Variants in XIRP1 observed in about 807,000 individuals in gnomAD.
XIRP1 encodes the protein xin actin-binding repeat-containing protein 1.
For synonymous variants in XIRP1, 984 were observed against 947.0 expected, an observed-to-expected ratio of 1.04 and a Z score of -0.72; for missense variants, 2,378 against 2,345.4, an observed-to-expected ratio of 1.01 and a Z score of -0.29.
Position 39,185,549 on chromosome 3 carries a change from A to G in XIRP1, c.3897T>C (p.Ala1299=). The G allele has an allele frequency of 6.4e-7, 1 of 1,567,438 alleles. No individual in the cohort carries two copies. Among genetic ancestry groups the G allele is most frequent in the Non-Finnish European group, 8.6e-7 (1 of 1,156,568 alleles). ...DPLLHSHSSP[A]GQRTPGGSQT... is the part of the protein sequence containing the mutation. ...GTGACCCTCCAGGGGTTCTCTGGCCAGCAGGGCTGCTGTGGGAGTGAAGAA... is the reference window on the plus strand; with the variant it reads ...GTGACCCTCCAGGGGTTCTCTGGCCGGCAGGGCTGCTGTGGGAGTGAAGAA... The change falls in exon 2 of 2, where the codon GCT becomes GCC. Residue 1299 remains alanine (A), a synonymous_variant. Coordinates refer to ENST00000340369, the MANE Select transcript of XIRP1 (RefSeq NM_194293.4).
In XIRP1 at chr3:39,186,964, G is replaced by A; in HGVS notation, c.2482C>T (p.Pro828Ser). The change falls in exon 2 of 2, where the codon CCC becomes TCC. Residue 828 changes from proline (P) to serine (S), a missense_variant. Pro to Ser is a moderately conservative substitution (Grantham distance 74). Transcript: ENST00000340369. ...CGCAGGACTTGGCAGATGATCCTGG[G>A]AAGTTCACCTGACACCAGCTCCTCC... ...RKEELVSGEL[P>S]RIICQVLRRP... is the part of the protein sequence containing the mutation. The A allele has an allele frequency of 6.2e-7, 1 of 1,609,162 alleles. No homozygotes were observed. Among genetic ancestry groups the A allele is most frequent in the Non-Finnish European group, 8.5e-7 (1 of 1,175,862 alleles).
rs776781312 is a variant in XIRP1, at chr3:39,186,935, C to T, written c.2511G>A (p.Arg837=). The change falls in exon 2 of 2, where the codon CGG becomes CGA. Residue 837 remains arginine (R), a synonymous_variant. Transcript: ENST00000340369. The part of the protein sequence containing the change: ...LPRIICQVLR[R]PDVDQQGLLV... The stretch of plus-strand genomic sequence containing the variant: ...GCAGCCCCTGCTGGTCCACATCTGG[C>T]CGGCGCAGGACTTGGCAGATGATCC... The T allele has an allele frequency of 3.1e-6, 5 of 1,613,638 alleles. No homozygotes were observed. Among genetic ancestry groups the T allele is most frequent in the Non-Finnish European group, 3.4e-6 (4 of 1,179,714 alleles).
chr3:39,187,249 C>T lies in XIRP1; in HGVS notation c.2197G>A (p.Glu733Lys), dbSNP rs540159795. The change falls in exon 2 of 2, where the codon GAG becomes AAG. Residue 733 changes from glutamate (E) to lysine (K), a missense_variant. Glu to Lys is a moderately conservative substitution (Grantham distance 56). Transcript: ENST00000340369. ...GSVHKFTWLF[E>K]NCPMGSLAAE... ...GCCAGGGAGCCCATGGGACAATTCT[C>T]AAAAAGCCAAGTGAACTTGTGGACA... The T allele has an allele frequency of 4.0e-5, 63 of 1,582,030 alleles. 1 individual carries two copies. In the South Asian group the frequency reaches 7.1e-4, roughly 18 times the overall value.
rs2039898481 is a variant in XIRP1, at chr3:39,183,275, G to A, written c.*639C>T. The A allele has an allele frequency of 6.5e-6, 1 of 153,128 alleles. No individual in the cohort carries two copies. The allele number at this position is 153,128 out of a possible 1,614,324, so 9.5% of individuals were successfully genotyped here. A position where few individuals can be genotyped will look rare whatever the true frequency, so the allele number is the denominator to read the frequency against. ...CTTCCCATTTGGGGTGCAGAGTGGG[G>A]GACAGTCATGGGGACAGAGAAAGGC... On this transcript the variant is annotated 3_prime_UTR_variant, in exon 2 of 2. Transcript: ENST00000340369.
At chr3:39,190,600 C>T (rs1575184851) in intron 1 of XIRP1, among the ~76,000 whole-genome samples, 1 of 152,178 alleles carries the variant, frequency 6.6e-6, no homozygotes, top group East Asian at 1.9e-4. Context: ...AAGCCCTACC[C>T]CTGCAGGCCT....
chr3:39,184,900 G>A lies in XIRP1; in HGVS notation c.4546C>T (p.Gln1516Ter), dbSNP rs753959597. 8.2e-6 allele frequency: 13 copies of A among 1,592,922 alleles called. No homozygotes were observed. The highest frequency in any genetic ancestry group is 9.4e-6 in the Non-Finnish European group (11 of 1,167,434). ...GAAPQAPAAH[Q>*]KPEASVEQAF... is the part of the protein sequence containing the mutation. ...TGCTCCACTGAGGCCTCGGGCTTTT[G>A]GTGGGCAGCAGGAGCCTGAGGAGCA... is the stretch of plus-strand genomic sequence containing the variant. The change falls in exon 2 of 2, where the codon CAA (glutamine) becomes TAA (stop). Residue 1516 changes from glutamine (Q) to a stop codon, truncating the protein, a stop_gained. Transcript: ENST00000340369. LOFTEE classifies it low-confidence loss of function (END_TRUNC).
At position 39,188,975 on chromosome 3, in the gene XIRP1, G is replaced by T. The variant is rs750697546; in HGVS notation, c.471C>A (p.Arg157=). The part of the protein sequence containing the change: ...QPGGGDVRAA[R]WLFETKPLDE... ...CCAGTGGCTTTGTCTCAAATAGCCA[G>T]CGGGCTGCACGAACGTCTCCTCCAC... is the stretch of plus-strand genomic sequence containing the variant. Residue 157 remains arginine (R), a synonymous_variant, in exon 2 of 2, where the codon CGC becomes CGA. Coordinates refer to ENST00000340369, the MANE Select transcript of XIRP1 (RefSeq NM_194293.4). 2 of 1,613,818 alleles carry T rather than the reference G, an allele frequency of 1.2e-6. No individual in the cohort carries two copies. Among genetic ancestry groups the T allele is most frequent in the Non-Finnish European group, 8.5e-7 (1 of 1,180,040 alleles).
rs772094055 is a variant in XIRP1, at chr3:39,186,067, G to C, written c.3379C>G (p.Leu1127Val). Residue 1127 changes from leucine to valine, a missense_variant, in exon 2 of 2, where the codon CTA becomes GTA. Transcript: ENST00000340369. ...PRKVSREEQA[L>V]PRGLPGGWVT... is the part of the protein sequence containing the mutation. The stretch of plus-strand genomic sequence containing the variant: ...CACCCCCCAGGCAGCCCTCTGGGTA[G>C]TGCTTGCTCTTCCCTACTGACCTTT... 4 of 1,614,048 alleles carry C rather than the reference G, an allele frequency of 2.5e-6. No individual in the cohort carries two copies. The highest frequency in any genetic ancestry group is 3.4e-6 in the Non-Finnish European group (4 of 1,180,002).
Position 39,187,368 on chromosome 3 carries a change from A to T in XIRP1, c.2078T>A (p.Val693Glu). ...CSRVEIPSGQ[V>E]SRQKEVFQAL... Reference sequence around the variant, plus strand: ...CTGAAAAACCTCTTTCTGACGAGACACCTGCCCTGAAGGGATCTCCACGCG... The same window carrying T: ...CTGAAAAACCTCTTTCTGACGAGACTCCTGCCCTGAAGGGATCTCCACGCG... The change falls in exon 2 of 2, where the codon GTG (valine) becomes GAG (glutamate). Residue 693 changes from valine to glutamate, a missense_variant. By Grantham distance (121) the Val-to-Glu change is moderately radical. Transcript: ENST00000340369. The T allele has an allele frequency of 6.2e-7, 1 of 1,611,616 alleles. No homozygotes were observed. The highest frequency in any genetic ancestry group is 8.5e-7 in the Non-Finnish European group (1 of 1,178,432).
In XIRP1 at chr3:39,183,768, C is replaced by T. The variant is rs1445513269; in HGVS notation, c.*146G>A. The T allele has an allele frequency of 7.6e-6, 10 of 1,310,882 alleles. No individual in the cohort carries two copies. The highest frequency in any genetic ancestry group is 5.9e-5 in the Admixed American group (2 of 33,926). The allele number at this position is 1,310,882 out of a possible 1,614,324, so 81.2% of individuals were successfully genotyped here. A position where few individuals can be genotyped will look rare whatever the true frequency, so the allele number is the denominator to read the frequency against. On this transcript the variant is annotated 3_prime_UTR_variant, in exon 2 of 2. Transcript: ENST00000340369. ...AGAACTGGGCCTATTGAAAGAACTG[C>T]GAAAGGGAAATGGCCCACAGTAATC...
Position 39,184,441 on chromosome 3 carries a change from A to G in XIRP1, c.5005T>C (p.Ser1669Pro), listed in dbSNP as rs374503977. Residue 1669 changes from serine to proline, a missense_variant, in exon 2 of 2, where the codon TCC (serine) becomes CCC (proline). Physicochemically the swap from Ser to Pro is moderately conservative, Grantham distance 74. Transcript: ENST00000340369. The stretch of plus-strand genomic sequence containing the variant: ...GACTGGATGGAGATAAATGTTGGGG[A>G]GGAGGGAGAATCTCGGCTGGAAGGT... ...VLPSSRDSPS[S>P]PTFISIQSAT... The G allele has an allele frequency of 9.9e-6, 16 of 1,613,982 alleles. No individual in the cohort carries two copies. The highest frequency in any genetic ancestry group is 1.2e-5 in the Non-Finnish European group (14 of 1,180,024).
chr3:39,187,579 C>T lies in XIRP1; in HGVS notation c.1867G>A (p.Ala623Thr), dbSNP rs952062268. The change falls in exon 2 of 2, where the codon GCA becomes ACA. Residue 623 changes from alanine to threonine, a missense_variant. By Grantham distance (58) the Ala-to-Thr change is moderately conservative. Coordinates refer to ENST00000340369, the MANE Select transcript of XIRP1 (RefSeq NM_194293.4). ...EVTDPTAKAE[A>T]QSCTWMFKPQ... is the part of the protein sequence containing the mutation. Reference sequence around the variant, plus strand: ...TTGAACATCCAGGTGCAGGACTGTGCCTCAGCCTTGGCTGTGGGATCTGTG... The same window carrying T: ...TTGAACATCCAGGTGCAGGACTGTGTCTCAGCCTTGGCTGTGGGATCTGTG... The T allele has an allele frequency of 2.5e-6, 4 of 1,613,942 alleles. No homozygotes were observed. The African/African-American group carries it at 5.3e-5, about 22-fold the overall frequency.
Position 39,184,293 on chromosome 3 carries a change from T to C in XIRP1, c.5153A>G (p.Lys1718Arg). Reference protein sequence around the residue: ...ALLHQKGVQDKTGKKDITQCS... With the variant: ...ALLHQKGVQDRTGKKDITQCS... ...CTGGGTGATGTCCTTCTTCCCAGTTTTGTCTTGGACACCTTTCTGGTGGAG... is the reference window on the plus strand; with the variant it reads ...CTGGGTGATGTCCTTCTTCCCAGTTCTGTCTTGGACACCTTTCTGGTGGAG... The change falls in exon 2 of 2, where the codon AAA becomes AGA. Residue 1718 changes from lysine (K) to arginine (R), a missense_variant. Lys to Arg is a conservative substitution (Grantham distance 26). Transcript: ENST00000340369. 2 of 1,614,192 alleles carry C rather than the reference T, an allele frequency of 1.2e-6. No homozygotes were observed. Among genetic ancestry groups the C allele is most frequent in the Non-Finnish European group, 1.7e-6 (2 of 1,180,028 alleles).
At position 39,187,787 on chromosome 3, in the gene XIRP1, A is replaced by T; in HGVS notation, c.1659T>A (p.Leu553=). Reference sequence around the variant, plus strand: ...TCATCTCCAGGGGCTGGGTCTCAAAAAGCCACCGAGCTGTGCCAACGTCCC... The same window carrying T: ...TCATCTCCAGGGGCTGGGTCTCAAATAGCCACCGAGCTGTGCCAACGTCCC... ...VAGDVGTARW[L]FETQPLEMIH... The change falls in exon 2 of 2, where the codon CTT becomes CTA. Residue 553 remains leucine (L), a synonymous_variant. Coordinates refer to ENST00000340369, the MANE Select transcript of XIRP1 (RefSeq NM_194293.4). 6.2e-7 allele frequency: 1 copy of T among 1,613,582 alleles called. No individual in the cohort carries two copies. The highest frequency in any genetic ancestry group is 8.5e-7 in the Non-Finnish European group (1 of 1,179,870).
chr3:39,186,891 G>A lies in XIRP1; in HGVS notation c.2555C>T (p.Thr852Ile), dbSNP rs747833957. The change falls in exon 2 of 2, where the codon ACT becomes ATT. Residue 852 changes from threonine to isoleucine, a missense_variant. By Grantham distance (89) the Thr-to-Ile change is moderately conservative (BLOSUM62 -1). Coordinates refer to ENST00000340369, the MANE Select transcript of XIRP1 (RefSeq NM_194293.4). ...QQGLLVQEDP[T>I]GQLQLKPLRL... ...CAGCGGCTTGAGTTGGAGCTGGCCA[G>A]TTGGGTCTTCCTGCACCAGCAGCCC... 1.9e-6 allele frequency: 3 copies of A among 1,613,980 alleles called. No individual in the cohort carries two copies. The highest frequency in any genetic ancestry group is 1.7e-5 in the Admixed American group (1 of 60,024).
Position 39,187,328 on chromosome 3 carries a change from G to A in XIRP1, c.2118C>T (p.Gly706=), listed in dbSNP as rs369120386. ...CCCGGGGCTCCTGTTCTTCCTTCTT[G>A]CCTGCCTCCAGGGCCTGAAAAACCT... ...QKEVFQALEA[G]KKEEQEPRVI... The change falls in exon 2 of 2, where the codon GGC becomes GGT. Residue 706 remains glycine (G), a synonymous_variant. Transcript: ENST00000340369. 1.1e-4 allele frequency: 170 copies of A among 1,599,806 alleles called. No homozygotes were observed. The highest frequency in any genetic ancestry group is 1.4e-4 in the Non-Finnish European group (159 of 1,172,206).
chr3:39,189,081 TCACCA>T lies in XIRP1; in HGVS notation c.360_364del (p.Cys120Ter). 1 of 1,614,138 alleles carries T rather than the reference TCACCA, an allele frequency of 6.2e-7. No homozygotes were observed. The highest frequency in any genetic ancestry group is 1.3e-5 in the African/African-American group (1 of 75,044). ...AAACTTGCGGGAGGTGGCCTGGACG[TCACCA>T]CACAGCACGGGCTCCTTGGCAGCTG... On this transcript the variant is annotated stop_gained and frameshift_variant, in exon 2 of 2. Transcript: ENST00000340369. LOFTEE classifies it low-confidence loss of function (END_TRUNC).
At position 39,185,447 on chromosome 3, in the gene XIRP1, T is replaced by A. The variant is rs2039949267; in HGVS notation, c.3999A>T (p.Leu1333=). 3 of 1,604,786 alleles carry A rather than the reference T, an allele frequency of 1.9e-6. No homozygotes were observed. The highest frequency in any genetic ancestry group is 3.4e-5 in the Admixed American group (2 of 59,408). The part of the protein sequence containing the change: ...KPQLPPKPAH[L]TQSHPPQRLP... ...GCCTCTGAGGAGGGTGGCTCTGGGT[T>A]AGGTGTGCAGGTTTAGGGGGCAGCT... The change falls in exon 2 of 2, where the codon CTA becomes CTT. Residue 1333 remains leucine, a synonymous_variant. Coordinates refer to ENST00000340369, the MANE Select transcript of XIRP1 (RefSeq NM_194293.4).
At position 39,187,103 on chromosome 3, in the gene XIRP1, T is replaced by A. The variant is rs1347000867; in HGVS notation, c.2343A>T (p.Thr781=). Reference sequence around the variant, plus strand: ...TGCCTCCATGGTGCAGGATGCCAGGTGTGGCATGCAGAGTCCGCAGGGTCC... The same window carrying A: ...TGCCTCCATGGTGCAGGATGCCAGGAGTGGCATGCAGAGTCCGCAGGGTCC... ...AEGTLRTLHA[T]PGILHHGGIL... is the part of the protein sequence containing the mutation. The change falls in exon 2 of 2, where the codon ACA becomes ACT. Residue 781 remains threonine (T), a synonymous_variant. Coordinates refer to ENST00000340369, the MANE Select transcript of XIRP1 (RefSeq NM_194293.4). The A allele has an allele frequency of 6.2e-7, 1 of 1,613,472 alleles. No homozygotes were observed. Among genetic ancestry groups the A allele is most frequent in the Non-Finnish European group, 8.5e-7 (1 of 1,179,594 alleles).
Sources: gnomAD v4.1 joint callset for allele counts (sites outside exome capture counted in the v4.1 genomes callset) on GRCh38, gnomAD v4.1.1 for gene constraint, MANE v1.5 for transcripts, NCBI Gene and HGNC (gene_info 2026-07-23, HGNC 2026-07-21) for gene names.